UNC79: variants seen among roughly 807,000 people sequenced by gnomAD.
UNC79 encodes the protein protein unc-79 homolog.
A neutral mutation model predicts 283.1 loss-of-function variants in UNC79; 37 were observed. The ratio of observed to expected loss-of-function variants is 0.13; its 90% CI spans 0.10 to 0.17. The LOEUF (loss-of-function observed/expected upper bound fraction) is 0.17, where lower values mean the gene tolerates loss of function less well. UNC79 is among the 10% of genes least tolerant of loss of function. The probability of loss-of-function intolerance (pLI) is 1.00; values close to 1 mark genes in which losing one functional copy is unlikely to be tolerated. For missense variants in UNC79, 2,272 were observed against 3,211.1 expected, an observed-to-expected ratio of 0.71 and a Z score of 7.07; for synonymous variants, 1,107 against 1,200.2, an observed-to-expected ratio of 0.92 and a Z score of 1.61.
At chr14:93,528,264 A>G (rs1034473073) in intron 8 of UNC79, among the ~76,000 whole-genome samples, 1 of 152,224 alleles carries the variant, frequency 6.6e-6, no homozygotes, top group Admixed American at 6.5e-5. Context: ...CAATTGAACA[A>G]GATGATATTT....
At position 93,690,467 on chromosome 14, in the gene UNC79, G is replaced by C. The variant is rs1409250546; in HGVS notation, c.7272+164G>C. The C allele has an allele frequency of 3.9e-6, 3 of 763,508 alleles. No homozygotes were observed. The highest frequency in any genetic ancestry group is 3.6e-5 in the African/African-American group (2 of 55,768). The allele number at this position is 763,508 out of a possible 1,614,324, so 47.3% of individuals were successfully genotyped here. On this transcript the variant is annotated intron_variant, in intron 45 of 48. Transcript: ENST00000555664. The surrounding 1 kb of genome is among the most constrained non-coding windows in gnomAD (Gnocchi z 4.3). Reference sequence around the variant, plus strand: ...CTAATGTCTTATTTAAAGTTGTTTAGATTCCCAGACTGTCTTTCCCCCCGC... The same window carrying C: ...CTAATGTCTTATTTAAAGTTGTTTACATTCCCAGACTGTCTTTCCCCCCGC...
At chr14:93,622,594 C>T (rs1285924968) in exon 30 of UNC79, 1 of 1,614,110 alleles carries the variant, frequency 6.2e-7, no homozygotes, top group East Asian at 2.2e-5. Context: ...AAACCGTCCT[C>T]CTCAAAGTTC....
chr14:93,548,274 C>T (rs1390922358), intron 14 of UNC79, among the ~76,000 whole-genome samples: 1 of 152,242 alleles, frequency 6.6e-6, no homozygotes, highest in Non-Finnish European at 1.5e-5. Flanking sequence ...GGCAAGGTAG[C>T]TCTCTGAGGT....
intron 43 of UNC79, among the ~76,000 whole-genome samples, chr14:93,686,963 G>C (rs1424277368): frequency 6.6e-6 from 1 of 152,196 alleles, no homozygotes; most frequent in Non-Finnish European, 1.5e-5. Flanking sequence ...ACTGAGGCTT[G>C]GGGTGGTGTA....
At chr14:93,592,126 A>G (rs114990313) in intron 22 of UNC79, among the ~76,000 whole-genome samples, 2,636 of 151,754 alleles carry the variant, frequency 0.017, 77 homozygotes, top group African/African-American at 0.06. Flanking sequence ...ATGTTAAAAT[A>G]GACTAGTAAC....
chr14:93,340,463 A>C (rs2053682654), intron 1 of UNC79, among the ~76,000 whole-genome samples: 1 of 126,730 alleles, frequency 7.9e-6, no homozygotes, highest in South Asian at 2.8e-4. Context: ...AAAAAAAAAA[A>C]AGAAGGCCAC....
chr14:93,680,532 GT>G (rs1206118088), intron 41 of UNC79, among the ~76,000 whole-genome samples: 1 of 152,158 alleles, frequency 6.6e-6, no homozygotes, highest in Non-Finnish European at 1.5e-5. Flanking sequence ...CCTCACAGAG[GT>G]TTTAGAACTC....
intron 1 of UNC79, among the ~76,000 whole-genome samples, chr14:93,402,405 T>C (rs1266448397): frequency 1.3e-5 from 2 of 151,036 alleles, no homozygotes; most frequent in Non-Finnish European, 2.9e-5. Flanking sequence ...AACTAAAGTA[T>C]ATTTGGTATT....
At chr14:93,512,894 C>G (rs2059893345) in intron 7 of UNC79, among the ~76,000 whole-genome samples, 1 of 152,012 alleles carries the variant, frequency 6.6e-6, no homozygotes, top group Admixed American at 6.6e-5. Flanking sequence ...GATTATGGAT[C>G]ACATTTTCTA....
chr14:93,679,970 G>A (rs2073704940), intron 41 of UNC79, among the ~76,000 whole-genome samples: 1 of 152,052 alleles, frequency 6.6e-6, no homozygotes, highest in African/African-American at 2.4e-5. Context: ...AAGACAGAAA[G>A]GTTTATTAAG....
intron 1 of UNC79, among the ~76,000 whole-genome samples, chr14:93,372,900 A>G (rs2054482311): frequency 1.3e-5 from 2 of 152,242 alleles, no homozygotes; most frequent in South Asian, 2.1e-4. Flanking sequence ...TCACTAAGAT[A>G]TAGCACATTC....
chr14:93,688,662 T>C lies in UNC79; in HGVS notation c.6910-3T>C. ...AGTTACAAAATACCATTCGGTTTTG[T>C]AGAGCCACATGAAGACATGTTCCCA... On this transcript the variant is annotated splice_region_variant and splice_polypyrimidine_tract_variant and intron_variant, in intron 43 of 48. Coordinates refer to ENST00000555664, the Ensembl canonical transcript of UNC79. The surrounding 1 kb of genome is among the most constrained non-coding windows in gnomAD (Gnocchi z 4.0). 6.2e-7 allele frequency: 1 copy of C among 1,612,724 alleles called. No individual in the cohort carries two copies. Among genetic ancestry groups the C allele is most frequent in the East Asian group, 2.2e-5 (1 of 44,858 alleles).
At chr14:93,348,096 C>T (rs2139903687) in intron 1 of UNC79, 7 of 1,608,200 alleles carry the variant, frequency 4.4e-6, no homozygotes, top group South Asian at 2.2e-5. Flanking sequence ...TGCTAGGCAA[C>T]CTGAAGCAGT....
chr14:93,554,017 C>T (rs75401151), intron 14 of UNC79, among the ~76,000 whole-genome samples: 2,114 of 152,272 alleles, frequency 0.014, 22 homozygotes, highest in Middle Eastern at 0.037. Context: ...TTTAGTCTTT[C>T]ACAGAGAGAG....
At chr14:93,394,660 GC>G (rs2054957365) in intron 1 of UNC79, among the ~76,000 whole-genome samples, 2 of 151,914 alleles carry the variant, frequency 1.3e-5, no homozygotes, top group Non-Finnish European at 1.5e-5. Context: ...ACCCTCCTCA[GC>G]CTCCCAAAGT....
intron 1 of UNC79, among the ~76,000 whole-genome samples, chr14:93,403,828 A>G (rs969323444): frequency 6.6e-6 from 1 of 152,070 alleles, no homozygotes; most frequent in Non-Finnish European, 1.5e-5. Flanking sequence ...AAACAATGAT[A>G]TCATCTTGAA....
At position 93,665,884 on chromosome 14, in the gene UNC79, G is replaced by A. The variant is rs1307518316; in HGVS notation, c.6636+3170G>A. On this transcript the variant is annotated intron_variant, in intron 40 of 48. Coordinates refer to ENST00000555664, the Ensembl canonical transcript of UNC79. The stretch of plus-strand genomic sequence containing the variant: ...ACTACTAAAAGATGTAAGAAGGAAA[G>A]TGAACCAAGAAGGAAGGAGTGAAAT... Among the ~76,000 whole-genome samples, 3 of 152,086 alleles carry A rather than the reference G, an allele frequency of 2.0e-5. No homozygotes were observed. In the East Asian group the frequency reaches 5.8e-4, roughly 29 times the overall value.
At chr14:93,611,622 G>A (rs903452660) in intron 26 of UNC79, among the ~76,000 whole-genome samples, 5 of 152,136 alleles carry the variant, frequency 3.3e-5, no homozygotes, top group African/African-American at 1.2e-4. Context: ...ATTAACTGAG[G>A]AGTTAATAGG....
At chr14:93,618,691 A>G (rs1415250476) in intron 29 of UNC79, among the ~76,000 whole-genome samples, 2 of 152,354 alleles carry the variant, frequency 1.3e-5, no homozygotes, top group East Asian at 3.9e-4. Context: ...GTTGGCACAC[A>G]GTGGAGCCAT....
Sources: allele counts gnomAD v4.1 joint callset (sites outside exome capture counted in the v4.1 genomes callset), GRCh38; gene constraint gnomAD v4.1.1; non-coding constraint Gnocchi (gnomAD v3.1); transcripts MANE v1.5; gene names NCBI Gene and HGNC (gene_info 2026-07-23, HGNC 2026-07-21).